Variants in CACNA1C observed in about 807,000 individuals in gnomAD.
The protein encoded by CACNA1C is voltage-dependent L-type calcium channel subunit alpha-1C.
Under a neutral mutation model 229.0 loss-of-function variants are expected in CACNA1C, and 30 were observed. The observed-to-expected ratio is 0.13, with a 90% CI of 0.10 to 0.18. CACNA1C has a LOEUF of 0.18. Among genes scored for constraint, CACNA1C ranks in the 10% least tolerant of loss-of-function variants. The pLI is 1.00. For missense variants in CACNA1C, 1,658 were observed against 2,845.0 expected (o/e 0.58, Z 9.49); for synonymous variants, 1,114 against 1,132.5 (o/e 0.98, Z 0.33).
chr12:2,687,882 T>C (rs1444811841), intron 45 of CACNA1C, among the ~76,000 whole-genome samples: 4 of 152,196 alleles, frequency 2.6e-5, no homozygotes, highest in East Asian at 1.9e-4. Flanking sequence ...TAACAATGGC[T>C]CAAAGACAAC....
intron 3 of CACNA1C, among the ~76,000 whole-genome samples, chr12:2,270,124 C>G (rs1004890067): frequency 7.9e-5 from 12 of 152,084 alleles, no homozygotes; most frequent in Non-Finnish European, 1.8e-4. Context: ...TGGAAGGGGT[C>G]TAGGGGAGCC....
chr12:2,049,722 T>C (rs1186866088), upstream of CACNA1C, among the ~76,000 whole-genome samples: 3 of 152,218 alleles, frequency 2.0e-5, no homozygotes, highest in African/African-American at 7.2e-5. Flanking sequence ...GGAGATTCTT[T>C]AGCTGGAGAA....
At chr12:2,456,462 C>G (rs188984022) in intron 4 of CACNA1C, among the ~76,000 whole-genome samples, 1 of 152,332 alleles carries the variant, frequency 6.6e-6, no homozygotes, top group East Asian at 1.9e-4. Flanking sequence ...TACCAGCACC[C>G]GGTGGGGTTC....
intron 5 of CACNA1C, among the ~76,000 whole-genome samples, chr12:2,476,212 G>A (rs1261742609): frequency 6.6e-6 from 1 of 152,226 alleles, no homozygotes; most frequent in African/African-American, 2.4e-5. Context: ...GAGAAGGATT[G>A]TGAGGCCCCA....
At chr12:2,416,118 GC>G (rs2098893303) in intron 3 of CACNA1C, among the ~76,000 whole-genome samples, 1 of 152,146 alleles carries the variant, frequency 6.6e-6, no homozygotes, top group Admixed American at 6.5e-5. Flanking sequence ...TCTCAGAGAG[GC>G]CTCTCTCAGC....
intron 3 of CACNA1C, among the ~76,000 whole-genome samples, chr12:2,187,707 C>T (rs1018177247): frequency 2.0e-5 from 3 of 152,226 alleles, no homozygotes; most frequent in Non-Finnish European, 4.4e-5. Flanking sequence ...AGGGTGGTCC[C>T]CACAGGGGCG....
intron 10 of CACNA1C, among the ~76,000 whole-genome samples, chr12:2,552,357 T>A (rs2154592290): frequency 6.6e-6 from 1 of 152,266 alleles, no homozygotes; most frequent in African/African-American, 2.4e-5. Context: ...GAAAAGTAAG[T>A]GTAAAGTCGG....
At chr12:2,450,330 G>A (rs550719360) in intron 4 of CACNA1C, among the ~76,000 whole-genome samples, 85 of 152,042 alleles carry the variant, frequency 5.6e-4, no homozygotes, top group Non-Finnish European at 1.1e-3. Context: ...CAAGGCGGGC[G>A]GATCACGAGG....
Position 2,383,262 on chromosome 12 carries a change from A to G in CACNA1C, c.478-65714A>G, listed in dbSNP as rs115103872. On this transcript the variant is annotated intron_variant, in intron 3 of 46. Coordinates refer to ENST00000399655, the MANE Select transcript of CACNA1C (RefSeq NM_000719.7). ...AGAAGGGTGGGTGGGAGCAAAGGCA[A>G]ACAAGAGCAGTGGAGACTAAAGCGG... is the stretch of plus-strand genomic sequence containing the variant. Among the ~76,000 whole-genome samples the G allele has an allele frequency of 6.0e-3, 911 of 152,300 alleles. 8 individuals are homozygous for G. Among genetic ancestry groups the G allele is most frequent in the African/African-American group, 0.021 (857 of 41,562 alleles).
intron 29 of CACNA1C, among the ~76,000 whole-genome samples, chr12:2,618,444 A>G (rs1442945458): frequency 6.6e-6 from 1 of 152,234 alleles, no homozygotes; most frequent in East Asian, 1.9e-4. Flanking sequence ...AAGAGAGTGC[A>G]TGAGCCTGTG....
chr12:2,116,371 CTTTT>C (rs869196313), intron 2 of CACNA1C, among the ~76,000 whole-genome samples: 1 of 136,810 alleles, frequency 7.3e-6, no homozygotes, highest in Non-Finnish European at 1.6e-5. Flanking sequence ...TTGGGAAGGA[CTTTT>C]TTTTTTTTTT....
chr12:1,976,858 G>A (rs1039452246), intron 1 of CACNA1C, among the ~76,000 whole-genome samples: 1 of 151,516 alleles, frequency 6.6e-6, no homozygotes, highest in African/African-American at 2.4e-5. Context: ...GAGGGAGGGA[G>A]GGAGGGGGAG....
intron 3 of CACNA1C, among the ~76,000 whole-genome samples, chr12:2,213,030 A>T (rs1213167408): frequency 2.0e-5 from 3 of 152,200 alleles, no homozygotes; most frequent in African/African-American, 7.2e-5. Flanking sequence ...CATGCTTATA[A>T]AAGCAACCAG....
intron 3 of CACNA1C, among the ~76,000 whole-genome samples, chr12:2,271,477 G>C (rs772919354): frequency 6.6e-6 from 1 of 152,192 alleles, no homozygotes; most frequent in Non-Finnish European, 1.5e-5. Context: ...CTGAGTTCAA[G>C]TCCTGGTGTT....
At chr12:2,107,071 AC>A (rs1156927827) in intron 1 of CACNA1C, among the ~76,000 whole-genome samples, 1 of 88,416 alleles carries the variant, frequency 1.1e-5, no homozygotes, top group Admixed American at 1.1e-4. Flanking sequence ...CTGGGTGCTC[AC>A]CCCAGGGAGG....
At chr12:2,194,301 ACCT>A (rs1566293884) in intron 3 of CACNA1C, among the ~76,000 whole-genome samples, 1 of 115,298 alleles carries the variant, frequency 8.7e-6, no homozygotes, top group Non-Finnish European at 1.8e-5. Flanking sequence ...CTCCTCCTAC[ACCT>A]CCTCTGCCTC....
chr12:2,533,879 C>G (rs1260118108), intron 9 of CACNA1C, among the ~76,000 whole-genome samples: 1 of 152,194 alleles, frequency 6.6e-6, no homozygotes, highest in Non-Finnish European at 1.5e-5. Context: ...TTGTTGGGAG[C>G]ATGAAATGAG....
rs2097718148 is a variant in CACNA1C at position 2,689,811 on chromosome 12, C to T, written c.6117+1032C>T. Reference sequence around the variant, plus strand: ...ACAGCTGAGAAACAGAGCTTCTGCTCTCATGAGCTCACATCATGGTGAGGA... The same window carrying T: ...ACAGCTGAGAAACAGAGCTTCTGCTTTCATGAGCTCACATCATGGTGAGGA... On this transcript the variant is annotated intron_variant, in intron 46 of 46. Transcript: ENST00000399655. The surrounding 1 kb of genome is among the most constrained non-coding windows in gnomAD (Gnocchi z 4.2). 1 of 152,236 alleles carries T rather than the reference C, an allele frequency of 6.6e-6. No individual in the cohort carries two copies. Among genetic ancestry groups the T allele is most frequent in the Non-Finnish European group, 1.5e-5 (1 of 68,074 alleles). 9.4% of individuals were successfully genotyped at this position (152,236 alleles called of 1,614,324 possible).
At chr12:2,019,017 A>G (rs1182107882) in intron 1 of CACNA1C, among the ~76,000 whole-genome samples, 1 of 152,170 alleles carries the variant, frequency 6.6e-6, no homozygotes, top group African/African-American at 2.4e-5. Context: ...AACAGATGGG[A>G]TTCTCATGGC....
Sources: allele counts gnomAD v4.1 joint callset (sites outside exome capture counted in the v4.1 genomes callset), GRCh38; gene constraint gnomAD v4.1.1; non-coding constraint Gnocchi (gnomAD v3.1); transcripts MANE v1.5; gene names NCBI Gene and HGNC (gene_info 2026-07-23, HGNC 2026-07-21).